Variants in RIMS2 observed in about 807,000 individuals in gnomAD.
The protein encoded by RIMS2 is regulating synaptic membrane exocytosis 2.
A neutral mutation model predicts 174.4 loss-of-function variants in RIMS2; 59 were observed. That is an observed-to-expected ratio of 0.34 (90% CI 0.27 to 0.42). The LOEUF (loss-of-function observed/expected upper bound fraction) is 0.42, where lower values mean the gene tolerates loss of function less well. Ranked by LOEUF, RIMS2 falls within the 10% of genes least tolerant of loss-of-function variation. The pLI is 1.00. For missense variants in RIMS2, 1,620 were observed against 1,666.3 expected (o/e 0.97, Z 0.48); for synonymous variants, 606 against 572.5 (o/e 1.06, Z -0.84).
rs71575985 is a variant in RIMS2, at chr8:103,812,331, G to GTTTTTTTTTTTTTTTTTT, written c.698+45800_698+45817dup. ...GGTCAAATTATTACCTTATTACCTT[G>GTTTTTTTTTTTTTTTTTT]TTTTTTTTTTTTTTTTTTTTTTTGT... On this transcript the variant is annotated intron_variant, in intron 3 of 23. Transcript: ENST00000504942. 2.6e-3 allele frequency among the ~76,000 whole-genome samples: 291 copies of GTTTTTTTTTTTTTTTTTT among 111,530 alleles called. 6 individuals carry two copies. The highest frequency in any genetic ancestry group is 8.5e-3 in the East Asian group (20 of 2,342). 73.2% of individuals were successfully genotyped at this position (111,530 alleles called of 152,430 possible).
chr8:103,586,631 C>A (rs1032116541), intron 1 of RIMS2, among the ~76,000 whole-genome samples: 1 of 151,626 alleles, frequency 6.6e-6, no homozygotes, highest in African/African-American at 2.4e-5. Context: ...GTGCCTAGAT[C>A]AAAAAATAGG....
At chr8:104,168,133 T>C (rs1342539634) in intron 19 of RIMS2, among the ~76,000 whole-genome samples, 1 of 152,190 alleles carries the variant, frequency 6.6e-6, no homozygotes, top group Non-Finnish European at 1.5e-5. Context: ...TTCTTAGTAT[T>C]GCTTTGGCTA....
intron 15 of RIMS2, among the ~76,000 whole-genome samples, chr8:103,971,572 T>TA (rs2092879663): frequency 7.1e-6 from 1 of 141,728 alleles, no homozygotes; most frequent in African/African-American, 2.8e-5. Context: ...AGTAGCATAG[T>TA]TTTTTTTTTT....
exon 24 of RIMS2, chr8:104,251,705 G>C (rs1221427297): frequency 6.2e-7 from 1 of 1,607,820 alleles, no homozygotes; most frequent in Non-Finnish European, 8.5e-7. Flanking sequence ...GTGATCGGAT[G>C]GTTCAAACTT....
intron 3 of RIMS2, among the ~76,000 whole-genome samples, chr8:103,785,183 GT>G (rs1162402730): frequency 2.7e-5 from 4 of 146,060 alleles, no homozygotes; most frequent in Non-Finnish European, 6.0e-5. Flanking sequence ...AGACGATGGG[GT>G]TTTCTAGATA....
At chr8:103,615,289 A>T (rs2095479491) in intron 1 of RIMS2, among the ~76,000 whole-genome samples, 2 of 152,224 alleles carry the variant, frequency 1.3e-5, no homozygotes, top group Non-Finnish European at 2.9e-5. Context: ...CTGGGTAAAT[A>T]ATGAAATTAA....
At chr8:103,802,883 A>G (rs1047620043) in intron 3 of RIMS2, among the ~76,000 whole-genome samples, 6 of 152,210 alleles carry the variant, frequency 3.9e-5, no homozygotes, top group Non-Finnish European at 8.8e-5. Flanking sequence ...CACTTTTAAT[A>G]AAGATGAAGA....
At chr8:103,923,308 T>C (rs1431114480) in intron 10 of RIMS2, among the ~76,000 whole-genome samples, 1 of 151,848 alleles carries the variant, frequency 6.6e-6, no homozygotes, top group African/African-American at 2.4e-5. Flanking sequence ...TCTGTGTGTA[T>C]GTATAGTTTG....
intron 19 of RIMS2, among the ~76,000 whole-genome samples, chr8:104,053,336 A>G (rs775841143): frequency 2.0e-5 from 3 of 152,220 alleles, no homozygotes; most frequent in African/African-American, 2.4e-5. Context: ...TGCTCAAGTT[A>G]TATAAAAACT....
intron 1 of RIMS2, among the ~76,000 whole-genome samples, chr8:103,601,117 T>C (rs965592738): frequency 2.6e-5 from 4 of 152,224 alleles, no homozygotes; most frequent in African/African-American, 9.6e-5. Flanking sequence ...TAACCACTTG[T>C]CAGATGCATA....
chr8:104,206,227 A>T (rs2099079566), intron 19 of RIMS2, among the ~76,000 whole-genome samples: 1 of 152,094 alleles, frequency 6.6e-6, no homozygotes, highest in African/African-American at 2.4e-5. Flanking sequence ...AGTTATTTTT[A>T]TTCTTGTGTT....
At chr8:103,631,402 G>A (rs914664052) in intron 1 of RIMS2, among the ~76,000 whole-genome samples, 1 of 152,112 alleles carries the variant, frequency 6.6e-6, no homozygotes, top group African/African-American at 2.4e-5. Flanking sequence ...TTTCCACATT[G>A]CTTATTTTTG....
At chr8:103,970,359 A>G (rs1452791682) in intron 15 of RIMS2, among the ~76,000 whole-genome samples, 1 of 152,134 alleles carries the variant, frequency 6.6e-6, no homozygotes, top group Admixed American at 6.5e-5. Flanking sequence ...CAGATTGGTT[A>G]GGCTTTGGTT....
In RIMS2 at chr8:104,003,417, C is replaced by CT. The variant is rs56779976; in HGVS notation, c.3045-10011dup. On this transcript the variant is annotated intron_variant, in intron 17 of 23. Transcript: ENST00000504942. Reference sequence around the variant, plus strand: ...AGAGAGTGTTCCACTTGTGAAGAATCTTTTTTTTTTTTTTGCAATGGAGTC... The same window carrying CT: ...AGAGAGTGTTCCACTTGTGAAGAATCTTTTTTTTTTTTTTTGCAATGGAGTC... Among the ~76,000 whole-genome samples, 1,306 of 142,202 alleles carry CT rather than the reference C, an allele frequency of 9.2e-3. 14 individuals are homozygous for CT. Among genetic ancestry groups the CT allele is most frequent in the African/African-American group, 0.029 (1,106 of 38,726 alleles). The allele number at this position is 142,202 out of a possible 152,430, so 93.3% of individuals were successfully genotyped here.
intron 3 of RIMS2, chr8:103,768,473 AG>A (rs2098206968): frequency 1.2e-6 from 1 of 804,402 alleles, no homozygotes; most frequent in Non-Finnish European, 2.3e-6. Context: ...CCCCATGAAG[AG>A]GGGTGTCTTG....
chr8:103,956,612 A>G (rs1416071591), intron 14 of RIMS2, among the ~76,000 whole-genome samples: 1 of 152,266 alleles, frequency 6.6e-6, no homozygotes, highest in Non-Finnish European at 1.5e-5. Context: ...AAGATGGATT[A>G]AAGACTTAAA....
chr8:103,515,559 T>A (rs1208889570), intron 1 of RIMS2, among the ~76,000 whole-genome samples: 1 of 152,148 alleles, frequency 6.6e-6, no homozygotes, highest in African/African-American at 2.4e-5. Context: ...TTTCTTTGTG[T>A]AAAGCCAACA....
chr8:103,684,770 A>G (rs1469072432), intron 1 of RIMS2, among the ~76,000 whole-genome samples: 8 of 151,768 alleles, frequency 5.3e-5, no homozygotes, highest in Non-Finnish European at 1.0e-4. Context: ...TGTTTTTAGT[A>G]GAGATGGGAT....
intron 13 of RIMS2, among the ~76,000 whole-genome samples, chr8:103,940,905 T>TGTGTGACC (rs1421031925): frequency 1.3e-5 from 2 of 151,588 alleles, no homozygotes; most frequent in African/African-American, 4.8e-5. Flanking sequence ...TAAAATCCCT[T>TGTGTGACC]GTGTGACCTT....
Sources: gnomAD v4.1 joint callset for allele counts (sites outside exome capture counted in the v4.1 genomes callset) on GRCh38, gnomAD v4.1.1 for gene constraint, MANE v1.5 for transcripts, NCBI Gene and HGNC (gene_info 2026-07-23, HGNC 2026-07-21) for gene names.